MBTD1: variants seen among roughly 807,000 people sequenced by gnomAD.
MBTD1 encodes the protein MBT domain-containing protein 1.
MBTD1 carries 24 observed loss-of-function variants against 87.8 expected under a neutral mutation model. The observed-to-expected ratio is 0.27, with a 90% CI of 0.20 to 0.38. The LOEUF is 0.38. Ranked by LOEUF, MBTD1 falls within the 10% of genes least tolerant of loss-of-function variation. The pLI, the probability that MBTD1 is intolerant of heterozygous loss-of-function variation, is 1.00. For synonymous variants in MBTD1, 237 were observed against 248.6 expected, an observed-to-expected ratio of 0.95 and a Z score of 0.44; for missense variants, 436 against 760.2, an observed-to-expected ratio of 0.57 and a Z score of 5.02.
intron 2 of MBTD1, among the ~76,000 whole-genome samples, chr17:51,237,088 G>A (rs2053885396): frequency 6.6e-6 from 1 of 152,104 alleles, no homozygotes; most frequent in Non-Finnish European, 1.5e-5. Flanking sequence ...CCTGAGGTCA[G>A]TAGTTCAAGA....
At chr17:51,207,334 T>C (rs1568177795) in intron 6 of MBTD1, among the ~76,000 whole-genome samples, 2 of 152,220 alleles carry the variant, frequency 1.3e-5, no homozygotes, top group East Asian at 3.8e-4. Context: ...AAATTTTTAA[T>C]ATGTACTGAG....
At chr17:51,236,273 T>G (rs2053832425) in intron 2 of MBTD1, among the ~76,000 whole-genome samples, 1 of 152,140 alleles carries the variant, frequency 6.6e-6, no homozygotes, top group Non-Finnish European at 1.5e-5. Context: ...TGAGATGAGG[T>G]CTCACCCTGT....
At position 51,192,272 on chromosome 17, in the gene MBTD1, CTCT is replaced by C; in HGVS notation, c.1696_1698del (p.Arg566del). On this transcript the variant is annotated inframe_deletion, in exon 16 of 17. Coordinates refer to ENST00000586178, the MANE Select transcript of MBTD1 (RefSeq NM_017643.3). ...TGTTTTGATGAAGCTGATTGGTTTT[CTCT>C]TGATGCTGAAAAATAAAAAGGGAAA... 1 of 1,550,336 alleles carries C rather than the reference CTCT, an allele frequency of 6.5e-7. No individual in the cohort carries two copies. The highest frequency in any genetic ancestry group is 8.7e-7 in the Non-Finnish European group (1 of 1,146,202).
Position 51,225,199 on chromosome 17 carries a change from G to GA in MBTD1, c.-39dup. 6.6e-7 allele frequency: 1 copy of GA among 1,511,188 alleles called. No individual in the cohort carries two copies. The highest frequency in any genetic ancestry group is 1.4e-5 in the African/African-American group (1 of 71,886). 93.6% of individuals were successfully genotyped at this position (1,511,188 alleles called of 1,614,324 possible). On this transcript the variant is annotated 5_prime_UTR_variant, in exon 3 of 17. Coordinates refer to ENST00000586178, the MANE Select transcript of MBTD1 (RefSeq NM_017643.3). Reference sequence around the variant, plus strand: ...TCTTCTTTTCCTTTCAGATCGTGAAGAATGTTCAGTCTTTGAAGTAAGAGA... The same window carrying GA: ...TCTTCTTTTCCTTTCAGATCGTGAAGAAATGTTCAGTCTTTGAAGTAAGAGA...
chr17:51,251,843 G>A (rs2144214516), intron 2 of MBTD1: 1 of 152,360 alleles, frequency 6.6e-6, no homozygotes, highest in African/African-American at 2.4e-5. Context: ...TTGGCTTATT[G>A]TAACCTCTGC....
At chr17:51,203,324 G>T in intron 8 of MBTD1, 96 bp from the exon 9 acceptor site, 1 of 662,938 alleles carries the variant, frequency 1.5e-6, no homozygotes, top group Non-Finnish European at 2.4e-6. Flanking sequence ...GCAAAGTCAG[G>T]CTATTAACAT....
intron 12 of MBTD1, among the ~76,000 whole-genome samples, chr17:51,197,258 C>T (rs1361387963): frequency 1.3e-5 from 2 of 150,684 alleles, no homozygotes; most frequent in African/African-American, 2.4e-5. Context: ...CTCACCACCA[C>T]ACCCGACTTA....
chr17:51,198,985 G>A (rs1568164167), intron 12 of MBTD1, among the ~76,000 whole-genome samples: 1 of 152,208 alleles, frequency 6.6e-6, no homozygotes, highest in East Asian at 1.9e-4. Flanking sequence ...GTATGGAGAT[G>A]GGGTTTTATC....
intron 2 of MBTD1, 136 bp from the exon 3 acceptor site, chr17:51,225,345 T>C (rs2053149745): frequency 6.8e-6 from 3 of 438,256 alleles, no homozygotes; most frequent in South Asian, 5.3e-5. Flanking sequence ...TTCTTTCTTT[T>C]TTTTTTCTTT....
chr17:51,217,410 G>C lies in MBTD1; in HGVS notation c.410C>G (p.Ser137Cys). 4 of 1,500,412 alleles carry C rather than the reference G, an allele frequency of 2.7e-6. No homozygotes were observed. Among genetic ancestry groups the C allele is most frequent in the Non-Finnish European group, 3.6e-6 (4 of 1,115,412 alleles). 92.9% of individuals were successfully genotyped at this position (1,500,412 alleles called of 1,614,324 possible). A position where few individuals can be genotyped will look rare whatever the true frequency, so the allele number is the denominator to read the frequency against. Reference protein sequence around the residue: ...QNQAKTKAAVSMEGFSWGNYI... With the variant: ...QNQAKTKAAVCMEGFSWGNYI... ...GTTACCCCAGCTGAAACCTTCCATG[G>C]AGACTGCTAAAATGAAACAAATTTA... is the stretch of plus-strand genomic sequence containing the variant. The change falls in exon 6 of 17, where the codon TCC (serine) becomes TGC (cysteine). Residue 137 changes from serine to cysteine, a missense_variant. Physicochemically the swap from Ser to Cys is moderately radical, Grantham distance 112. This residue lies in a region of MBTD1 where 268 missense variants were observed against 401.8 expected (regional missense o/e 0.67). Coordinates refer to ENST00000586178, the MANE Select transcript of MBTD1 (RefSeq NM_017643.3).
Position 51,192,770 on chromosome 17 carries a change from A to T in MBTD1, c.1690+12T>A. On this transcript the variant is annotated intron_variant, in intron 15 of 16. Transcript: ENST00000586178. The stretch of plus-strand genomic sequence containing the variant: ...TTTTACAAAAGGACACCTTTTCTGT[A>T]TACCAACTTACACTGTGATGCTGGA... 2 of 1,613,510 alleles carry T rather than the reference A, an allele frequency of 1.2e-6. No individual in the cohort carries two copies. Among genetic ancestry groups the T allele is most frequent in the Non-Finnish European group, 1.7e-6 (2 of 1,179,568 alleles).
At chr17:51,199,584 G>A (rs773213441) in intron 12 of MBTD1, among the ~76,000 whole-genome samples, 6 of 151,672 alleles carry the variant, frequency 4.0e-5, no homozygotes, top group Non-Finnish European at 7.4e-5. Context: ...TGGGACTACA[G>A]GCACCCGCCA....
chr17:51,204,556 G>A (rs2051702462), intron 7 of MBTD1, among the ~76,000 whole-genome samples: 1 of 133,430 alleles, frequency 7.5e-6, no homozygotes, highest in Non-Finnish European at 1.7e-5. Context: ...AGGCTGGAGT[G>A]CAGTGGTGTG....
At chr17:51,181,197 T>C (rs997092038) in intron 16 of MBTD1, among the ~76,000 whole-genome samples, 1 of 152,018 alleles carries the variant, frequency 6.6e-6, no homozygotes, top group Non-Finnish European at 1.5e-5. Context: ...CAGCTAATTT[T>C]TGTATTTTTA....
At chr17:51,225,668 T>G (rs1292515210) in intron 2 of MBTD1, among the ~76,000 whole-genome samples, 1 of 152,146 alleles carries the variant, frequency 6.6e-6, no homozygotes, top group Non-Finnish European at 1.5e-5. Flanking sequence ...AGGGATGTCC[T>G]GCCTCTGCAT....
intron 4 of MBTD1, among the ~76,000 whole-genome samples, chr17:51,219,932 C>G (rs1185027538): frequency 6.6e-6 from 1 of 152,004 alleles, no homozygotes; most frequent in Non-Finnish European, 1.5e-5. Context: ...AAGTACAAAG[C>G]GAGGACGATG....
At chr17:51,214,652 G>A (rs887762264) in intron 6 of MBTD1, among the ~76,000 whole-genome samples, 2 of 152,112 alleles carry the variant, frequency 1.3e-5, no homozygotes, top group African/African-American at 4.8e-5. Context: ...CTCCGCTTCC[G>A]TGTTACATGT....
At chr17:51,181,426 T>A (rs565281938) in intron 16 of MBTD1, among the ~76,000 whole-genome samples, 1 of 151,772 alleles carries the variant, frequency 6.6e-6, no homozygotes, top group African/African-American at 2.4e-5. Flanking sequence ...GGATGTAACA[T>A]ATATTTTTAA....
chr17:51,215,796 G>A (rs953624876), intron 6 of MBTD1, among the ~76,000 whole-genome samples: 1 of 152,060 alleles, frequency 6.6e-6, no homozygotes, highest in South Asian at 2.1e-4. Context: ...ATGAGAATTA[G>A]CAAATTAACC....
Sources: allele counts gnomAD v4.1 joint callset (sites outside exome capture counted in the v4.1 genomes callset), GRCh38; gene constraint gnomAD v4.1.1; regional missense constraint gnomAD v4.1.1; transcripts MANE v1.5; gene names NCBI Gene and HGNC (gene_info 2026-07-23, HGNC 2026-07-21).